TSEN2: variants seen among roughly 807,000 people sequenced by gnomAD.
TSEN2 encodes the protein tRNA-splicing endonuclease subunit Sen2.
In TSEN2, 54 loss-of-function variants were observed where a neutral mutation model predicts 59.2. The observed-to-expected ratio is 0.91, with a 90% confidence interval of 0.73 to 1.14. The LOEUF is 1.14. TSEN2 is among the 50% of genes most tolerant of loss of function. The pLI, the probability that TSEN2 is intolerant of heterozygous loss-of-function variation, is 0.00. For missense variants in TSEN2, 636 were observed against 576.2 expected (o/e 1.10, Z -1.06); for synonymous variants, 195 against 198.2 (o/e 0.98, Z 0.14).
chr3:12,483,757 T>C (rs753363671), upstream of TSEN2, among the ~76,000 whole-genome samples: 24 of 152,334 alleles, frequency 1.6e-4, no homozygotes, highest in Non-Finnish European at 2.6e-4. Flanking sequence ...AAAGTATATA[T>C]TGGACTCCCC....
chr3:12,510,854 C>T (rs1312777636), intron 6 of TSEN2, among the ~76,000 whole-genome samples: 1 of 152,178 alleles, frequency 6.6e-6, no homozygotes, highest in Non-Finnish European at 1.5e-5. Flanking sequence ...AACTGTGAGA[C>T]AGTTTGGGTC....
intron 4 of TSEN2, among the ~76,000 whole-genome samples, chr3:12,499,679 T>C (rs762977859): frequency 6.6e-6 from 1 of 152,172 alleles, no homozygotes; most frequent in Admixed American, 6.5e-5. Flanking sequence ...GACATTGATA[T>C]GGGTGTGCAC....
intron 8 of TSEN2, among the ~76,000 whole-genome samples, chr3:12,524,019 A>G (rs1163393249): frequency 6.6e-6 from 1 of 152,262 alleles, no homozygotes; most frequent in Non-Finnish European, 1.5e-5. Flanking sequence ...GAGAAAAATT[A>G]GAATTACTTA....
chr3:12,513,334 A>G (rs73142722), intron 6 of TSEN2, among the ~76,000 whole-genome samples: 2,837 of 152,306 alleles, frequency 0.019, 48 homozygotes, highest in South Asian at 0.059. Flanking sequence ...TAGAAAGGGA[A>G]GAAAACTAAG....
At chr3:12,526,224 TA>T (rs2057071148) in intron 8 of TSEN2, among the ~76,000 whole-genome samples, 1 of 152,076 alleles carries the variant, frequency 6.6e-6, no homozygotes, top group Admixed American at 6.6e-5. Flanking sequence ...AAAGTGTTTA[TA>T]AAGAGTACAG....
chr3:12,491,962 A>G (rs2053260081), intron 2 of TSEN2, among the ~76,000 whole-genome samples, 174 bp from the exon 3 acceptor site: 1 of 152,238 alleles, frequency 6.6e-6, no homozygotes, highest in African/African-American at 2.4e-5. Context: ...CGTAGACTAT[A>G]TATAAATACT....
At chr3:12,527,674 A>G (rs904834707) in intron 8 of TSEN2, among the ~76,000 whole-genome samples, 4 of 152,062 alleles carry the variant, frequency 2.6e-5, no homozygotes, top group Non-Finnish European at 4.4e-5. Flanking sequence ...GGGCTTAACA[A>G]TAAGAGTTCA....
At chr3:12,513,268 C>CT (rs1392922841) in intron 6 of TSEN2, among the ~76,000 whole-genome samples, 1 of 152,130 alleles carries the variant, frequency 6.6e-6, no homozygotes, top group Admixed American at 6.5e-5. Flanking sequence ...GAAAGAATCT[C>CT]TTATTAGGCA....
At chr3:12,515,173 A>C (rs1171560774) in intron 6 of TSEN2, among the ~76,000 whole-genome samples, 2 of 152,248 alleles carry the variant, frequency 1.3e-5, no homozygotes, top group East Asian at 3.8e-4. Context: ...ATAGCCAGGC[A>C]GAGAATGACA....
At chr3:12,480,528 G>GTTTTTTTTTTTTTTTTTTTTTTTT (rs752340308), upstream of TSEN2, among the ~76,000 whole-genome samples, 75 of 91,732 alleles carry the variant, frequency 8.2e-4, no homozygotes, top group Non-Finnish European at 1.1e-3. Flanking sequence ...TTGTTTCTTT[G>GTTTTTTTTTTTTTTTTTTTTTTTT]TTTTTTTTTT....
chr3:12,527,585 C>G (rs2057190946), intron 8 of TSEN2, among the ~76,000 whole-genome samples: 1 of 151,892 alleles, frequency 6.6e-6, no homozygotes, highest in Admixed American at 6.6e-5. Context: ...GCACAGAGGA[C>G]AGCTAACAGC....
rs947517314 is a variant in TSEN2 at position 12,505,414 on chromosome 3, A to G, written c.909+183A>G. On this transcript the variant is annotated intron_variant, in intron 6 of 11. Transcript: ENST00000284995. ...CCTTTCACTCCTCAGCCTTTATTTC[A>G]TCAGTTCTAAGATATGTGTTTGCAA... The G allele has an allele frequency of 1.6e-5, 10 of 609,044 alleles. No homozygotes were observed. In the African/African-American group the frequency reaches 1.8e-4, roughly 11 times the overall value. The allele number at this position is 609,044 out of a possible 1,614,324, so 37.7% of individuals were successfully genotyped here. A position where few individuals can be genotyped will look rare whatever the true frequency, so the allele number is the denominator to read the frequency against.
chr3:12,498,982 G>T (rs992640463), intron 4 of TSEN2, among the ~76,000 whole-genome samples: 1 of 152,012 alleles, frequency 6.6e-6, no homozygotes, highest in Non-Finnish European at 1.5e-5. Context: ...CTGGTCTTGG[G>T]CTCCTGGGCT....
rs369555288 is a variant in TSEN2, at chr3:12,507,600, G to A, written c.909+2369G>A. 1.1e-3 allele frequency among the ~76,000 whole-genome samples: 175 copies of A among 152,288 alleles called. 1 individual carries two copies. The Middle Eastern group carries it at 0.014, about 12-fold the overall frequency. On this transcript the variant is annotated intron_variant, in intron 6 of 11. Transcript: ENST00000284995. ...CCTTCTTTTTTACAATCACAAAAAT[G>A]CCCATTGGGTACCTACTATGTGCCA...
rs2054505308 is a variant in TSEN2, at chr3:12,503,457, G to C, written c.504G>C (p.Glu168Asp). 1 of 1,614,214 alleles carries C rather than the reference G, an allele frequency of 6.2e-7. No homozygotes were observed. The highest frequency in any genetic ancestry group is 1.7e-5 in the Admixed American group (1 of 60,024). The change falls in exon 5 of 12, where the codon GAG becomes GAC. Residue 168 changes from glutamate (E) to aspartate (D), a missense_variant. Coordinates refer to ENST00000284995, the MANE Select transcript of TSEN2 (RefSeq NM_025265.4). ...VSNMEGTAGG[E>D]RPSVVNGDSG... ...ACATGGAAGGCACAGCAGGGGGAGAGAGACCTTCTGTGGTAAACGGGGACT... is the reference window on the plus strand; with the variant it reads ...ACATGGAAGGCACAGCAGGGGGAGACAGACCTTCTGTGGTAAACGGGGACT...
intron 10 of TSEN2, 56 bp downstream of exon 10, chr3:12,529,929 T>G (rs1011639928): frequency 6.3e-7 from 1 of 1,586,136 alleles, no homozygotes; most frequent in Non-Finnish European, 8.5e-7. Flanking sequence ...CAGTTTTTTT[T>G]TTTTTCTTAA....
chr3:12,493,676 G>A (rs1157195379), intron 3 of TSEN2, among the ~76,000 whole-genome samples: 5 of 152,112 alleles, frequency 3.3e-5, no homozygotes, highest in Middle Eastern at 3.2e-3. Context: ...GCAGTGAGCC[G>A]AGATTGCACC....
chr3:12,515,332 C>T (rs2055950555), intron 6 of TSEN2, among the ~76,000 whole-genome samples: 1 of 152,198 alleles, frequency 6.6e-6, no homozygotes, highest in South Asian at 2.1e-4. Flanking sequence ...ACACAAGCCT[C>T]AAAGCTTATG....
At chr3:12,523,523 A>ATTTTTTTT (rs1386382924) in intron 8 of TSEN2, among the ~76,000 whole-genome samples, 2 of 51,028 alleles carry the variant, frequency 3.9e-5, no homozygotes, top group Non-Finnish European at 8.5e-5. Context: ...TTCCTCTTTG[A>ATTTTTTTT]TTCTTTTTTT....
Sources: gnomAD v4.1 joint callset for allele counts (sites outside exome capture counted in the v4.1 genomes callset) on GRCh38, gnomAD v4.1.1 for gene constraint, MANE v1.5 for transcripts, NCBI Gene and HGNC (gene_info 2026-07-23, HGNC 2026-07-21) for gene names.